The following RNF217 variants were observed in gnomAD, a reference collection of about 807,000 sequenced individuals.
RNF217 encodes ring finger protein 217.
In RNF217, 31 loss-of-function variants were observed where a neutral mutation model predicts 57.8. The observed-to-expected ratio is 0.54, with a 90% CI of 0.40 to 0.72. The LOEUF is 0.72. RNF217 is among the 30% of genes least tolerant of loss of function. The pLI is 0.00. For missense variants in RNF217, 696 were observed against 708.3 expected (o/e 0.98, Z 0.20); for synonymous variants, 313 against 294.0 (o/e 1.06, Z -0.66).
At chr6:124,981,466 G>T (rs1015320026) in intron 1 of RNF217, among the ~76,000 whole-genome samples, 3 of 152,116 alleles carry the variant, frequency 2.0e-5, no homozygotes, top group South Asian at 2.1e-4. Flanking sequence ...GGTTTGGTTG[G>T]GGGGGCGGTG....
At chr6:125,020,398 G>T (rs1052486848) in intron 1 of RNF217, among the ~76,000 whole-genome samples, 1 of 152,166 alleles carries the variant, frequency 6.6e-6, no homozygotes, top group Admixed American at 6.5e-5. Context: ...TGATTTTAGA[G>T]GCAGACAAAC....
In RNF217 at chr6:125,024,622, G is replaced by A. The variant is rs566775495; in HGVS notation, c.883-20589G>A. On this transcript the variant is annotated intron_variant, in intron 1 of 5. Coordinates refer to ENST00000521654, the MANE Select transcript of RNF217 (RefSeq NM_001286398.3). ...AATCCCAGCTACTCGGGAGGCTGAG[G>A]CACGAGAGAATCTCTTGAGCCCGGG... 3.3e-5 allele frequency among the ~76,000 whole-genome samples: 5 copies of A among 151,768 alleles called. No homozygotes were observed. In the South Asian group the frequency reaches 1.0e-3, roughly 32 times the overall value.
At chr6:125,081,670 C>T (rs891781332) in intron 5 of RNF217, among the ~76,000 whole-genome samples, 163 bp downstream of exon 5, 6 of 152,028 alleles carry the variant, frequency 3.9e-5, no homozygotes, top group African/African-American at 4.8e-5. Context: ...GTCAGAGGAG[C>T]GTGTTTCCTG....
intron 1 of RNF217, among the ~76,000 whole-genome samples, chr6:124,979,050 G>A (rs1422957633): frequency 2.0e-5 from 3 of 152,158 alleles, no homozygotes; most frequent in African/African-American, 7.2e-5. Flanking sequence ...AATAGAGAGA[G>A]AGAGTGTAAG....
chr6:125,021,032 T>C (rs1490524851), intron 1 of RNF217, among the ~76,000 whole-genome samples: 1 of 152,202 alleles, frequency 6.6e-6, no homozygotes, highest in Non-Finnish European at 1.5e-5. Flanking sequence ...TTTGGCAATA[T>C]GTGTTAAAAG....
intron 2 of RNF217, among the ~76,000 whole-genome samples, chr6:125,054,258 A>G (rs904257040): frequency 1.3e-5 from 2 of 152,176 alleles, no homozygotes; most frequent in African/African-American, 2.4e-5. Context: ...GGTTTAATCC[A>G]CTGGACTCTT....
At chr6:125,037,576 A>G (rs1371607648) in intron 1 of RNF217, among the ~76,000 whole-genome samples, 1 of 152,118 alleles carries the variant, frequency 6.6e-6, no homozygotes, top group African/African-American at 2.4e-5. Context: ...GCTGCTGAGT[A>G]AACAAAAAAC....
At chr6:125,034,429 C>T (rs1262568693) in intron 1 of RNF217, among the ~76,000 whole-genome samples, 1 of 152,096 alleles carries the variant, frequency 6.6e-6, no homozygotes, top group Non-Finnish European at 1.5e-5. Flanking sequence ...GCCAGTTTTC[C>T]CAGCACCATT....
intron 4 of RNF217, among the ~76,000 whole-genome samples, chr6:125,078,398 T>C (rs1472311358): frequency 6.6e-6 from 1 of 152,206 alleles, no homozygotes; most frequent in East Asian, 1.9e-4. Context: ...GCAGTGTGTT[T>C]CCGTCCATTC....
At chr6:125,080,034 T>TG (rs1788517878) in intron 4 of RNF217, among the ~76,000 whole-genome samples, 1 of 152,102 alleles carries the variant, frequency 6.6e-6, no homozygotes, top group African/African-American at 2.4e-5. Flanking sequence ...AGAAAATCAA[T>TG]GCTGTTACTT....
At chr6:124,977,035 A>G (rs1015209068) in intron 1 of RNF217, among the ~76,000 whole-genome samples, 3 of 152,222 alleles carry the variant, frequency 2.0e-5, no homozygotes, top group Non-Finnish European at 2.9e-5. Context: ...CTGTTCATAC[A>G]TGCTTTTCTC....
chr6:124,975,427 A>G (rs1408297966), intron 1 of RNF217, among the ~76,000 whole-genome samples: 1 of 152,184 alleles, frequency 6.6e-6, no homozygotes, highest in African/African-American at 2.4e-5. Context: ...TAATTAATTA[A>G]TGAATTATTC....
chr6:125,059,610 G>A lies in RNF217; in HGVS notation c.1281+1504G>A, dbSNP rs964288166. Reference sequence around the variant, plus strand: ...AATGAGCACCACTGCAGCATTATACGTTGGGGAAATTCTGAATAAACTGAT... The same window carrying A: ...AATGAGCACCACTGCAGCATTATACATTGGGGAAATTCTGAATAAACTGAT... On this transcript the variant is annotated intron_variant, in intron 3 of 5. Transcript: ENST00000521654. Among the ~76,000 whole-genome samples, 6 of 152,120 alleles carry A rather than the reference G, an allele frequency of 3.9e-5. No homozygotes were observed. In the East Asian group the frequency reaches 9.6e-4, roughly 24 times the overall value.
At chr6:125,025,909 G>T (rs562871857) in intron 1 of RNF217, among the ~76,000 whole-genome samples, 4 of 152,294 alleles carry the variant, frequency 2.6e-5, no homozygotes, top group African/African-American at 7.2e-5. Flanking sequence ...TTTTGACTGT[G>T]TGCATATTGG....
At chr6:124,986,915 A>T (rs566183496) in intron 1 of RNF217, among the ~76,000 whole-genome samples, 2 of 152,282 alleles carry the variant, frequency 1.3e-5, no homozygotes, top group Non-Finnish European at 2.9e-5. Context: ...CCTGGGGTTG[A>T]ACATTAATGT....
chr6:125,028,550 A>C (rs1425456077), intron 1 of RNF217, among the ~76,000 whole-genome samples: 1 of 152,160 alleles, frequency 6.6e-6, no homozygotes. Context: ...TATTTAGTGT[A>C]GTTCCAAAAG....
At chr6:125,062,075 C>T (rs1787756315) in intron 3 of RNF217, among the ~76,000 whole-genome samples, 1 of 151,868 alleles carries the variant, frequency 6.6e-6, no homozygotes, top group Non-Finnish European at 1.5e-5. Context: ...AGTCTCTTTT[C>T]TTGCTGCTGA....
At chr6:124,981,263 T>C (rs1784149619) in intron 1 of RNF217, among the ~76,000 whole-genome samples, 1 of 152,240 alleles carries the variant, frequency 6.6e-6, no homozygotes, top group Non-Finnish European at 1.5e-5. Context: ...CTGGAATTTT[T>C]CCCCATGTGA....
intron 1 of RNF217, among the ~76,000 whole-genome samples, chr6:124,975,755 A>G (rs984539919): frequency 5.3e-5 from 8 of 152,056 alleles, no homozygotes; most frequent in South Asian, 2.1e-4. Context: ...TCATATGAAT[A>G]TATAACCAAA....
Sources: gnomAD v4.1 joint callset for allele counts (sites outside exome capture counted in the v4.1 genomes callset) on GRCh38, gnomAD v4.1.1 for gene constraint, MANE v1.5 for transcripts, NCBI Gene and HGNC (gene_info 2026-07-23, HGNC 2026-07-21) for gene names.